The following TRHDE variants were observed in gnomAD, a reference collection of about 807,000 sequenced individuals.
TRHDE encodes the protein thyrotropin-releasing hormone-degrading ectoenzyme.
A neutral mutation model predicts 125.7 loss-of-function variants in TRHDE; 72 were observed. That is an observed-to-expected ratio of 0.57 (90% CI 0.47 to 0.70). The LOEUF (loss-of-function observed/expected upper bound fraction) is 0.70, where lower values mean the gene tolerates loss of function less well. Among genes scored for constraint, TRHDE ranks in the 30% least tolerant of loss-of-function variants. The pLI, the probability that TRHDE is intolerant of heterozygous loss-of-function variation, is 0.00. For synonymous variants in TRHDE, 509 were observed against 509.1 expected (o/e 1.00, Z 0.00); for missense variants, 1,110 against 1,327.1 (o/e 0.84, Z 2.54).
At chr12:72,425,489 TTTAAG>T (rs1225020520) in intron 3 of TRHDE, among the ~76,000 whole-genome samples, 1 of 152,118 alleles carries the variant, frequency 6.6e-6, no homozygotes, top group East Asian at 1.9e-4. Context: ...ACAGTTTTAC[TTTAAG>T]TTATCAAATC....
intron 2 of TRHDE, among the ~76,000 whole-genome samples, chr12:72,367,222 T>C (rs1871375053): frequency 6.6e-6 from 1 of 152,114 alleles, no homozygotes; most frequent in Non-Finnish European, 1.5e-5. Flanking sequence ...CCTGTAATAT[T>C]ATGCTTTTCT....
At chr12:72,497,129 A>G (rs1321997391) in intron 5 of TRHDE, among the ~76,000 whole-genome samples, 1 of 152,106 alleles carries the variant, frequency 6.6e-6, no homozygotes, top group Non-Finnish European at 1.5e-5. Flanking sequence ...CCAACAAGGT[A>G]GACAGATAAA....
At chr12:72,279,442 C>T (rs897767144) in intron 1 of TRHDE, among the ~76,000 whole-genome samples, 1 of 152,156 alleles carries the variant, frequency 6.6e-6, no homozygotes, top group African/African-American at 2.4e-5. Context: ...ATGTTCTTTA[C>T]TGCCTTCCAG....
intron 2 of TRHDE, among the ~76,000 whole-genome samples, chr12:72,215,898 G>A (rs1264918899): frequency 6.6e-6 from 1 of 152,100 alleles, no homozygotes; most frequent in Non-Finnish European, 1.5e-5. Flanking sequence ...TTTTACTTCT[G>A]AATATGCACT....
intron 2 of TRHDE, among the ~76,000 whole-genome samples, chr12:72,115,801 T>C (rs563862988): frequency 6.6e-6 from 1 of 152,162 alleles, no homozygotes; most frequent in Non-Finnish European, 1.5e-5. Context: ...TAATCAATGA[T>C]GTTGAACACC....
At chr12:72,223,605 C>A (rs142174449) in intron 2 of TRHDE, among the ~76,000 whole-genome samples, 2 of 151,986 alleles carry the variant, frequency 1.3e-5, no homozygotes, top group East Asian at 1.9e-4. Context: ...AAATTACAGA[C>A]CTGTTAATGT....
intron 3 of TRHDE, among the ~76,000 whole-genome samples, chr12:72,388,581 C>T (rs996841441): frequency 6.6e-6 from 1 of 152,098 alleles, no homozygotes; most frequent in Non-Finnish European, 1.5e-5. Context: ...GCTTCAGCTG[C>T]TGTGTAAATA....
At chr12:72,104,126 G>A (rs2139290867) in intron 1 of TRHDE, among the ~76,000 whole-genome samples, 1 of 152,224 alleles carries the variant, frequency 6.6e-6, no homozygotes, top group East Asian at 1.9e-4. Flanking sequence ...GAAATATATG[G>A]GTGTGGGGAG....
At chr12:72,260,690 G>A (rs1464118028) in intron 2 of TRHDE, among the ~76,000 whole-genome samples, 1 of 152,142 alleles carries the variant, frequency 6.6e-6, no homozygotes, top group Non-Finnish European at 1.5e-5. Flanking sequence ...GCAGGGAAGA[G>A]GACATAAGAC....
At chr12:72,186,819 G>A (rs1430503634) in intron 2 of TRHDE, among the ~76,000 whole-genome samples, 2 of 151,808 alleles carry the variant, frequency 1.3e-5, no homozygotes, top group African/African-American at 4.8e-5. Context: ...GTTGTAAGTG[G>A]CTCTCCTTTA....
Position 72,273,693 on chromosome 12 carries a change from G to C in TRHDE, c.914+136G>C. 1.2e-6 allele frequency: 1 copy of C among 822,304 alleles called. No homozygotes were observed. Among genetic ancestry groups the C allele is most frequent in the African/African-American group, 1.7e-5 (1 of 58,836 alleles). The allele number at this position is 822,304 out of a possible 1,614,324, so 50.9% of individuals were successfully genotyped here. On this transcript the variant is annotated intron_variant, in intron 1 of 18. Coordinates refer to ENST00000261180, the MANE Select transcript of TRHDE (RefSeq NM_013381.3). The surrounding 1 kb of genome is among the most constrained non-coding windows in gnomAD (Gnocchi z 5.3). ...GGGTGGGGGGAAGGAAACGAAAGCGGAGTAGGGCAGTCAGAACTCCGGGGT... is the reference window on the plus strand; with the variant it reads ...GGGTGGGGGGAAGGAAACGAAAGCGCAGTAGGGCAGTCAGAACTCCGGGGT...
chr12:72,541,384 G>A (rs996732426), intron 6 of TRHDE, among the ~76,000 whole-genome samples: 2 of 151,320 alleles, frequency 1.3e-5, no homozygotes, highest in South Asian at 2.1e-4. Context: ...TATTGATTAC[G>A]TACCTACCTT....
intron 3 of TRHDE, among the ~76,000 whole-genome samples, chr12:72,463,886 G>A (rs1876243013): frequency 6.6e-6 from 1 of 152,312 alleles, no homozygotes; most frequent in Middle Eastern, 3.4e-3. Context: ...CTGGATTTCA[G>A]TTAGTATGTA....
chr12:72,208,213 C>T (rs1348241960), intron 2 of TRHDE, among the ~76,000 whole-genome samples: 3 of 152,158 alleles, frequency 2.0e-5, no homozygotes, highest in African/African-American at 7.2e-5. Context: ...CACACATTCA[C>T]ACACCCACAT....
chr12:72,590,645 C>G (rs1871633185), intron 12 of TRHDE, among the ~76,000 whole-genome samples: 2 of 152,028 alleles, frequency 1.3e-5, no homozygotes, highest in Non-Finnish European at 2.9e-5. Flanking sequence ...GTCACTCCAG[C>G]CTTCTTAATC....
At chr12:72,657,801 CTT>C (rs1874765045) in intron 18 of TRHDE, among the ~76,000 whole-genome samples, 1 of 152,150 alleles carries the variant, frequency 6.6e-6, no homozygotes, top group Non-Finnish European at 1.5e-5. Context: ...AATATAGACT[CTT>C]TTAATTGATT....
rs79780928 is a variant in TRHDE, at chr12:72,632,275, T to C, written c.2675+10524T>C. Among the ~76,000 whole-genome samples the C allele has an allele frequency of 2.1e-3, 312 of 152,124 alleles. 6 individuals are homozygous for C. In the East Asian group the frequency reaches 0.053, roughly 26 times the overall value. On this transcript the variant is annotated intron_variant, in intron 15 of 18. Transcript: ENST00000261180. ...TCAGACAACACCATTAATTTTTGTT[T>C]CTATAGTTAGGCTTTATATGATAGC...
chr12:72,340,589 T>G (rs1405705783), intron 2 of TRHDE, among the ~76,000 whole-genome samples: 1 of 152,110 alleles, frequency 6.6e-6, no homozygotes, highest in African/African-American at 2.4e-5. Flanking sequence ...TGTTAGGGAC[T>G]CAACTTCACT....
intron 2 of TRHDE, among the ~76,000 whole-genome samples, chr12:72,151,185 C>T (rs1370599094): frequency 6.6e-6 from 1 of 152,170 alleles, no homozygotes; most frequent in Non-Finnish European, 1.5e-5. Context: ...CTGTTGGGTG[C>T]ATAAATGTCT....
Sources: allele counts gnomAD v4.1 joint callset (sites outside exome capture counted in the v4.1 genomes callset), GRCh38; gene constraint gnomAD v4.1.1; non-coding constraint Gnocchi (gnomAD v3.1); transcripts MANE v1.5; gene names NCBI Gene and HGNC (gene_info 2026-07-23, HGNC 2026-07-21).